CDH9: variants seen among roughly 807,000 people sequenced by gnomAD.
The protein encoded by CDH9 is cadherin-9.
CDH9 carries 28 observed loss-of-function variants against 70.9 expected under a neutral mutation model. That is an observed-to-expected ratio of 0.40 (90% CI 0.29 to 0.54). CDH9 has a LOEUF of 0.54. Ranked by LOEUF, CDH9 falls within the 20% of genes least tolerant of loss-of-function variation. The pLI, the probability that CDH9 is intolerant of heterozygous loss-of-function variation, is 0.59. For synonymous variants in CDH9, 409 were observed against 343.1 expected (o/e 1.19, Z -2.12); for missense variants, 874 against 984.4 (o/e 0.89, Z 1.50).
intron 2 of CDH9, among the ~76,000 whole-genome samples, chr5:26,983,718 A>G (rs1163085426): frequency 2.6e-5 from 3 of 116,510 alleles, no homozygotes; most frequent in Non-Finnish European, 5.9e-5. Flanking sequence ...TCAAACCTTT[A>G]TAAACATATT....
chr5:26,978,896 C>T (rs1189337774), intron 2 of CDH9, among the ~76,000 whole-genome samples: 1 of 151,688 alleles, frequency 6.6e-6, no homozygotes, highest in Non-Finnish European at 1.5e-5. Context: ...GGTTCTATAT[C>T]CAGTTAAAAT....
At chr5:27,020,625 G>C (rs966223489) in intron 1 of CDH9, among the ~76,000 whole-genome samples, 1 of 151,250 alleles carries the variant, frequency 6.6e-6, no homozygotes, top group African/African-American at 2.4e-5. Context: ...TAAGAAAGTT[G>C]CACAGACTTT....
chr5:27,028,421 T>TC (rs1369809849), intron 1 of CDH9: 1 of 151,840 alleles, frequency 6.6e-6, no homozygotes, highest in East Asian at 1.9e-4. Flanking sequence ...TACCCTAGAC[T>TC]CCTCTTTCTG....
At chr5:26,916,731 C>T (rs1421352871) in intron 2 of CDH9, among the ~76,000 whole-genome samples, 3 of 151,810 alleles carry the variant, frequency 2.0e-5, no homozygotes, top group Non-Finnish European at 3.0e-5. Flanking sequence ...TGTAGATTCA[C>T]GGGCTCTGTA....
At chr5:27,024,745 G>C (rs148988278) in intron 1 of CDH9, among the ~76,000 whole-genome samples, 2 of 151,962 alleles carry the variant, frequency 1.3e-5, no homozygotes, top group Admixed American at 1.3e-4. Flanking sequence ...TAATTGATAC[G>C]ACATTGAAAC....
chr5:26,899,059 CAT>C (rs1441582607), intron 7 of CDH9, among the ~76,000 whole-genome samples: 6 of 152,048 alleles, frequency 3.9e-5, no homozygotes, highest in African/African-American at 1.4e-4. Flanking sequence ...GGCCAACAAA[CAT>C]ATGAAAAAAA....
chr5:26,892,976 G>A (rs1176615921), intron 7 of CDH9, among the ~76,000 whole-genome samples: 5 of 151,838 alleles, frequency 3.3e-5, no homozygotes, highest in Admixed American at 6.6e-5. Context: ...CTCGTGATCC[G>A]CCTGCCTTGG....
At chr5:26,891,747 A>AG (rs1202823780) in intron 7 of CDH9, among the ~76,000 whole-genome samples, 1 of 152,162 alleles carries the variant, frequency 6.6e-6, no homozygotes, top group African/African-American at 2.4e-5. Flanking sequence ...ATGAAACAGA[A>AG]GAAAAAAAGA....
At chr5:27,028,039 T>C (rs1743249874) in intron 1 of CDH9, among the ~76,000 whole-genome samples, 1 of 152,026 alleles carries the variant, frequency 6.6e-6, no homozygotes, top group Non-Finnish European at 1.5e-5. Context: ...CTATTTAAAA[T>C]GTATACTTTG....
chr5:26,938,301 T>G (rs936435761), intron 2 of CDH9, among the ~76,000 whole-genome samples: 12 of 151,626 alleles, frequency 7.9e-5, no homozygotes. Context: ...TATTTACACA[T>G]ATATTATAAA....
chr5:26,942,271 C>A (rs1304255872), intron 2 of CDH9, among the ~76,000 whole-genome samples: 1 of 152,144 alleles, frequency 6.6e-6, no homozygotes, highest in Non-Finnish European at 1.5e-5. Flanking sequence ...ATGGCAGTAA[C>A]CACCCCCACA....
At chr5:26,948,602 C>T (rs776123933) in intron 2 of CDH9, among the ~76,000 whole-genome samples, 9 of 152,170 alleles carry the variant, frequency 5.9e-5, no homozygotes, top group Non-Finnish European at 7.3e-5. Flanking sequence ...AAGTTTAGAA[C>T]AGCAAATTCC....
At chr5:27,021,813 A>C (rs2112126147) in intron 1 of CDH9, among the ~76,000 whole-genome samples, 1 of 152,102 alleles carries the variant, frequency 6.6e-6, no homozygotes, top group South Asian at 2.1e-4. Context: ...GGATTAATTT[A>C]ATTAGTGAAT....
intron 1 of CDH9, among the ~76,000 whole-genome samples, chr5:27,011,615 C>T (rs1742960399): frequency 6.6e-6 from 1 of 152,036 alleles, no homozygotes; most frequent in Non-Finnish European, 1.5e-5. Flanking sequence ...ATTGCTATGG[C>T]AGCCTTAGGA....
chr5:26,881,669 T>TAA (rs1308696687), intron 11 of CDH9, 46 bp from the exon 12 acceptor site: 1 of 1,521,676 alleles, frequency 6.6e-7, no homozygotes, highest in East Asian at 2.2e-5. Context: ...TGAGTCAGGA[T>TAA]AAAATAGAGT....
chr5:27,019,366 T>C (rs1743098312), intron 1 of CDH9, among the ~76,000 whole-genome samples: 1 of 152,162 alleles, frequency 6.6e-6, no homozygotes, highest in East Asian at 1.9e-4. Context: ...TGTTTTTTTC[T>C]AAAATGCTAA....
chr5:26,935,329 G>A (rs1414394301), intron 2 of CDH9, among the ~76,000 whole-genome samples: 1 of 152,008 alleles, frequency 6.6e-6, no homozygotes, highest in Non-Finnish European at 1.5e-5. Context: ...GAGAAACAAG[G>A]CAAGAATGTA....
chr5:27,035,499 A>G (rs190205242), intron 1 of CDH9, among the ~76,000 whole-genome samples: 118 of 151,770 alleles, frequency 7.8e-4, no homozygotes, highest in African/African-American at 2.7e-3. Context: ...AACAAACAAG[A>G]CTCATTTGAA....
chr5:27,010,801 C>A (rs1742942934), intron 1 of CDH9, among the ~76,000 whole-genome samples: 1 of 152,130 alleles, frequency 6.6e-6, no homozygotes, highest in African/African-American at 2.4e-5. Context: ...GCACCAGTTG[C>A]AGTGGCATGA....
Sources: allele counts gnomAD v4.1 joint callset (sites outside exome capture counted in the v4.1 genomes callset), GRCh38; gene constraint gnomAD v4.1.1; transcripts MANE v1.5; gene names NCBI Gene and HGNC (gene_info 2026-07-23, HGNC 2026-07-21).